The following RAI14 variants were observed in gnomAD, a reference collection of about 807,000 sequenced individuals.
RAI14 encodes retinoic acid induced 14.
RAI14 carries 45 observed loss-of-function variants against 115.4 expected under a neutral mutation model. The ratio of observed to expected loss-of-function variants is 0.39; its 90% CI spans 0.31 to 0.50. The LOEUF (loss-of-function observed/expected upper bound fraction) is 0.50. RAI14 is among the 20% of genes least tolerant of loss of function. The pLI is 0.85. For missense variants in RAI14, 939 were observed against 1,131.2 expected, an observed-to-expected ratio of 0.83 and a Z score of 2.44; for synonymous variants, 371 against 415.4, an observed-to-expected ratio of 0.89 and a Z score of 1.30.
At chr5:34,736,222 G>C (rs948891530) in intron 2 of RAI14, among the ~76,000 whole-genome samples, 8 of 152,164 alleles carry the variant, frequency 5.3e-5, no homozygotes, top group African/African-American at 1.9e-4. Context: ...CCAACATGGC[G>C]AAGCCCCGTC....
At chr5:34,797,147 C>T (rs932634078) in intron 4 of RAI14, among the ~76,000 whole-genome samples, 16 of 152,156 alleles carry the variant, frequency 1.1e-4, no homozygotes, top group Middle Eastern at 3.2e-3. Context: ...CGATTGTACT[C>T]GAGAATTTTT....
chr5:34,668,950 AG>A (rs1308065985), intron 1 of RAI14, among the ~76,000 whole-genome samples: 2 of 152,002 alleles, frequency 1.3e-5, no homozygotes, highest in Non-Finnish European at 2.9e-5. Flanking sequence ...TCTGCCTCTC[AG>A]GTTTAAGCGA....
At chr5:34,677,442 C>T (rs922132596) in intron 1 of RAI14, among the ~76,000 whole-genome samples, 2 of 152,052 alleles carry the variant, frequency 1.3e-5, no homozygotes, top group South Asian at 4.2e-4. Context: ...TGAGCCACCA[C>T]ACCTGGCCGT....
chr5:34,811,877 A>C lies in RAI14; in HGVS notation c.668A>C (p.His223Pro). 6.2e-7 allele frequency: 1 copy of C among 1,613,190 alleles called. No individual in the cohort carries two copies. The highest frequency in any genetic ancestry group is 8.5e-7 in the Non-Finnish European group (1 of 1,179,408). ...GATTCTCTTGGATACAATGCCTTAC[A>C]TTATTCCAAACTCTCAGAAAATGCA... ...LVDSLGYNAL[H>P]YSKLSENAGI... Residue 223 changes from histidine to proline, a missense_variant, in exon 9 of 18, where the codon CAT becomes CCT. Transcript: ENST00000265109.
rs549924259 is a variant in RAI14 at position 34,730,311 on chromosome 5, C to T, written c.37-27157C>T. 7.2e-5 allele frequency among the ~76,000 whole-genome samples: 11 copies of T among 152,266 alleles called. No homozygotes were observed. The South Asian group carries it at 2.3e-3, about 32-fold the overall frequency. On this transcript the variant is annotated intron_variant, in intron 2 of 17. Transcript: ENST00000265109. The stretch of plus-strand genomic sequence containing the variant: ...GTATCACTTTCCTAAAAATAACCTA[C>T]ATGTTAACAAATGAATGTTGAGTTA...
chr5:34,753,707 C>A (rs1283270573), intron 2 of RAI14, among the ~76,000 whole-genome samples: 1 of 152,056 alleles, frequency 6.6e-6, no homozygotes, highest in Non-Finnish European at 1.5e-5. Context: ...CGAGGTCAAG[C>A]GCTCAAGACC....
intron 3 of RAI14, among the ~76,000 whole-genome samples, chr5:34,758,943 C>G (rs1316536918): frequency 1.3e-5 from 2 of 152,270 alleles, no homozygotes; most frequent in African/African-American, 4.8e-5. Context: ...CCTGGGGTAT[C>G]TGTCCCTTAT....
chr5:34,727,213 A>G (rs1183268683), intron 2 of RAI14, among the ~76,000 whole-genome samples: 1 of 152,156 alleles, frequency 6.6e-6, no homozygotes, highest in African/African-American at 2.4e-5. Context: ...TGTTTTAGCA[A>G]AGAGACTGGC....
intron 4 of RAI14, among the ~76,000 whole-genome samples, chr5:34,798,044 G>C (rs1012423030): frequency 2.0e-5 from 3 of 151,946 alleles, no homozygotes; most frequent in African/African-American, 7.2e-5. Flanking sequence ...TTTTTTGTTT[G>C]TTTGTTTTTG....
intron 2 of RAI14, among the ~76,000 whole-genome samples, chr5:34,721,775 A>G (rs1742786288): frequency 6.6e-6 from 1 of 152,092 alleles, no homozygotes; most frequent in Non-Finnish European, 1.5e-5. Flanking sequence ...CAGTGATGGA[A>G]TCTATGCTCA....
chr5:34,789,526 T>C (rs1460905752), intron 3 of RAI14, among the ~76,000 whole-genome samples: 1 of 152,240 alleles, frequency 6.6e-6, no homozygotes, highest in East Asian at 1.9e-4. Context: ...TATTGTGGTT[T>C]GCTACTTGTC....
At chr5:34,660,118 G>A (rs938686194) in intron 1 of RAI14, among the ~76,000 whole-genome samples, 1 of 152,162 alleles carries the variant, frequency 6.6e-6, no homozygotes, top group Admixed American at 6.5e-5. Flanking sequence ...CAAGGCTGCA[G>A]TGAGCCTAGA....
intron 3 of RAI14, among the ~76,000 whole-genome samples, chr5:34,778,406 G>T (rs898112022): frequency 2.0e-5 from 3 of 152,164 alleles, no homozygotes; most frequent in Non-Finnish European, 4.4e-5. Flanking sequence ...AATCTGGATA[G>T]TACCCTGGCC....
At chr5:34,818,010 G>A in intron 12 of RAI14, among the ~76,000 whole-genome samples, 1 of 152,168 alleles carries the variant, frequency 6.6e-6, no homozygotes, top group East Asian at 1.9e-4. Flanking sequence ...TGTTATAAAA[G>A]TGAAAGGACT....
At chr5:34,760,739 C>T (rs573316013) in intron 3 of RAI14, among the ~76,000 whole-genome samples, 2 of 152,216 alleles carry the variant, frequency 1.3e-5, no homozygotes, top group South Asian at 2.1e-4. Context: ...TGGTAAAATG[C>T]GTATAACATA....
chr5:34,756,337 G>A (rs1366538935), intron 2 of RAI14, among the ~76,000 whole-genome samples: 1 of 152,090 alleles, frequency 6.6e-6, no homozygotes, highest in Non-Finnish European at 1.5e-5. Context: ...AGGGTCGATC[G>A]TAAAGCTGTT....
At chr5:34,751,362 C>T (rs1403992370) in intron 2 of RAI14, among the ~76,000 whole-genome samples, 3 of 151,926 alleles carry the variant, frequency 2.0e-5, no homozygotes, top group Non-Finnish European at 2.9e-5. Flanking sequence ...AGGCTGGTCT[C>T]GAACTCCTGA....
intron 2 of RAI14, among the ~76,000 whole-genome samples, chr5:34,696,819 T>C (rs6886084): frequency 0.19 from 29,630 of 152,198 alleles, 3,260 homozygotes; most frequent in East Asian, 0.31. Context: ...TGAAGTTAAA[T>C]GCTTTTCAGT....
chr5:34,757,761 C>A, intron 3 of RAI14, 163 bp downstream of exon 3: 2 of 941,238 alleles, frequency 2.1e-6, no homozygotes, highest in Non-Finnish European at 2.9e-6. Flanking sequence ...CTCCAAATTC[C>A]AAGTCACATA....
Sources: allele counts gnomAD v4.1 joint callset (sites outside exome capture counted in the v4.1 genomes callset), GRCh38; gene constraint gnomAD v4.1.1; transcripts MANE v1.5; gene names NCBI Gene and HGNC (gene_info 2026-07-23, HGNC 2026-07-21).